The following CPNE5 variants were observed in gnomAD, a reference collection of about 807,000 sequenced individuals.
CPNE5 encodes the protein copine-5.
CPNE5 carries 42 observed loss-of-function variants against 81.1 expected under a neutral mutation model. The observed-to-expected ratio is 0.52, with a 90% CI of 0.40 to 0.67. The LOEUF (loss-of-function observed/expected upper bound fraction) is 0.67. Among genes scored for constraint, CPNE5 ranks in the 30% least tolerant of loss-of-function variants. The probability of loss-of-function intolerance (pLI) is 0.00; values close to 1 mark genes in which losing one functional copy is unlikely to be tolerated. For missense variants in CPNE5, 612 were observed against 815.5 expected (o/e 0.75, Z 3.04); for synonymous variants, 313 against 321.5 (o/e 0.97, Z 0.28).
In CPNE5 at chr6:36,792,090, G is replaced by A. The variant is rs747157932; in HGVS notation, c.471C>T (p.Val157=). Reference sequence around the variant, plus strand: ...TGATGGTGCCACATTTCTTTCCTGGGACACCACTGGGAGAGGAGAAGATGA... The same window carrying A: ...TGATGGTGCCACATTTCTTTCCTGGAACACCACTGGGAGAGGAGAAGATGA... ...KPMPAVSNGG[V]PGKKCGTIIL... is the part of the protein sequence containing the mutation. Residue 157 remains valine (V), a synonymous_variant, in exon 8 of 21, where the codon GTC becomes GTT. Coordinates refer to ENST00000244751, the MANE Select transcript of CPNE5 (RefSeq NM_020939.2). 6.2e-7 allele frequency: 1 copy of A among 1,613,790 alleles called. No homozygotes were observed. Among genetic ancestry groups the A allele is most frequent in the Non-Finnish European group, 8.5e-7 (1 of 1,179,752 alleles).
chr6:36,838,393 CCA>C (rs1320223837), intron 1 of CPNE5, among the ~76,000 whole-genome samples: 2 of 152,194 alleles, frequency 1.3e-5, no homozygotes, highest in African/African-American at 4.8e-5. Flanking sequence ...CCTAGGCCAG[CCA>C]CAGAGAGACT....
chr6:36,756,053 G>A, intron 13 of CPNE5, 192 bp downstream of exon 13: 1 of 585,722 alleles, frequency 1.7e-6, no homozygotes, highest in South Asian at 2.0e-5. Context: ...CTGTTGTGTG[G>A]TCTGCAAGTC....
intron 8 of CPNE5, among the ~76,000 whole-genome samples, chr6:36,790,417 G>A (rs1460958128): frequency 6.6e-6 from 1 of 152,116 alleles, no homozygotes; most frequent in Non-Finnish European, 1.5e-5. Flanking sequence ...AAGATGAAGA[G>A]TTTTCCAGAG....
At chr6:36,795,656 C>T (rs918391067) in intron 6 of CPNE5, among the ~76,000 whole-genome samples, 9 of 152,182 alleles carry the variant, frequency 5.9e-5, no homozygotes, top group African/African-American at 2.2e-4. Context: ...AAGACATGAA[C>T]TCTGTTGACA....
intron 8 of CPNE5, among the ~76,000 whole-genome samples, chr6:36,781,308 C>T (rs1768018056): frequency 2.0e-5 from 3 of 152,100 alleles, no homozygotes; most frequent in Admixed American, 2.0e-4. Flanking sequence ...GGACCTCAGG[C>T]CCTGAATAAA....
chr6:36,817,221 A>G (rs1236715895), intron 3 of CPNE5, among the ~76,000 whole-genome samples: 2 of 152,164 alleles, frequency 1.3e-5, no homozygotes, highest in African/African-American at 4.8e-5. Context: ...GCTACTCGGG[A>G]GGCTGAGACA....
chr6:36,746,522 G>A lies in CPNE5; in HGVS notation c.1074C>T (p.Ala358=). 1.9e-6 allele frequency: 3 copies of A among 1,613,796 alleles called. No homozygotes were observed. Among genetic ancestry groups the A allele is most frequent in the Non-Finnish European group, 2.5e-6 (3 of 1,179,764 alleles). ...LHYMSPYQLN[A]YALALTAVGE... ...CGACGGCAGTCAGCGCCAGCGCGTA[G>A]GCGTTCAGCTGGTAGGGGCTCATGT... is the stretch of plus-strand genomic sequence containing the variant. The change falls in exon 16 of 21, where the codon GCC becomes GCT. Residue 358 remains alanine, a synonymous_variant. Transcript: ENST00000244751. The surrounding 1 kb of genome is among the most constrained non-coding windows in gnomAD (Gnocchi z 4.5).
Position 36,748,286 on chromosome 6 carries a change from C to T in CPNE5, c.972-19G>A, listed in dbSNP as rs1202733969. On this transcript the variant is annotated intron_variant, in intron 14 of 20. Coordinates refer to ENST00000244751, the MANE Select transcript of CPNE5 (RefSeq NM_020939.2). ...CTGGGTCCTAGAAGAGGGAGAACAG[C>T]AGGGGAGTCACCTGGAGGGAGGCAG... The T allele has an allele frequency of 3.1e-6, 5 of 1,613,542 alleles. No individual in the cohort carries two copies. Among genetic ancestry groups the T allele is most frequent in the South Asian group, 1.1e-5 (1 of 91,078 alleles).
chr6:36,814,345 A>G (rs976662698), intron 3 of CPNE5, among the ~76,000 whole-genome samples: 1 of 152,192 alleles, frequency 6.6e-6, no homozygotes, highest in Non-Finnish European at 1.5e-5. Flanking sequence ...GTAATTCAAC[A>G]TGGTCTCCAT....
At chr6:36,808,806 G>A (rs879854457) in intron 3 of CPNE5, among the ~76,000 whole-genome samples, 3 of 152,192 alleles carry the variant, frequency 2.0e-5, no homozygotes, top group Admixed American at 6.5e-5. Flanking sequence ...ACAACCTTCC[G>A]AAGCAGAACT....
intron 8 of CPNE5, among the ~76,000 whole-genome samples, chr6:36,789,881 C>T (rs1768934014): frequency 6.6e-6 from 1 of 152,208 alleles, no homozygotes; most frequent in African/African-American, 2.4e-5. Flanking sequence ...CCTTCAGATC[C>T]ACTGAGATTA....
chr6:36,817,352 T>C (rs1771636295), intron 3 of CPNE5, among the ~76,000 whole-genome samples: 1 of 152,112 alleles, frequency 6.6e-6, no homozygotes, highest in Non-Finnish European at 1.5e-5. Flanking sequence ...TAAAGCTCTG[T>C]GAAACAGCAT....
Position 36,822,165 on chromosome 6 carries a change from G to T in CPNE5, c.137-5C>A. 1.4e-6 allele frequency: 2 copies of T among 1,455,070 alleles called. No homozygotes were observed. Among genetic ancestry groups the T allele is most frequent in the Admixed American group, 2.4e-5 (1 of 42,262 alleles). The allele number at this position is 1,455,070 out of a possible 1,614,324, so 90.1% of individuals were successfully genotyped here. ...CTTGGGTATACATGACGCACACTGC[G>T]GGGGGAGGAGAAACAGTGGATTAAT... On this transcript the variant is annotated splice_region_variant and splice_polypyrimidine_tract_variant and intron_variant, in intron 2 of 20. Coordinates refer to ENST00000244751, the MANE Select transcript of CPNE5 (RefSeq NM_020939.2).
intron 8 of CPNE5, among the ~76,000 whole-genome samples, chr6:36,786,305 C>A (rs1562136593): frequency 6.6e-6 from 1 of 152,118 alleles, no homozygotes; most frequent in Non-Finnish European, 1.5e-5. Context: ...AGCGAACACC[C>A]CACAGGCTGG....
rs1176572052 is a variant in CPNE5 at position 36,789,820 on chromosome 6, G to A, written c.528+2213C>T. 2.6e-5 allele frequency among the ~76,000 whole-genome samples: 4 copies of A among 152,200 alleles called. No homozygotes were observed. In the East Asian group the frequency reaches 7.7e-4, roughly 29 times the overall value. Reference sequence around the variant, plus strand: ...CTCGGGAATGCCTACTGCACCCCGAGTCCTGCCCTGGGGGTGCACACTGGG... The same window carrying A: ...CTCGGGAATGCCTACTGCACCCCGAATCCTGCCCTGGGGGTGCACACTGGG... On this transcript the variant is annotated intron_variant, in intron 8 of 20. Coordinates refer to ENST00000244751, the MANE Select transcript of CPNE5 (RefSeq NM_020939.2).
Position 36,766,441 on chromosome 6 carries a change from C to T in CPNE5, c.738-1065G>A, listed in dbSNP as rs1766572656. On this transcript the variant is annotated intron_variant, in intron 10 of 20. Coordinates refer to ENST00000244751, the MANE Select transcript of CPNE5 (RefSeq NM_020939.2). This position sits in a 1 kb window ranked among gnomAD's most constrained non-coding sequence, Gnocchi z 4.2. Reference sequence around the variant, plus strand: ...GAAGGAATGCCCAGTAGGTTGTGCACACACTGGATTTCTGTAAACCAGCAC... The same window carrying T: ...GAAGGAATGCCCAGTAGGTTGTGCATACACTGGATTTCTGTAAACCAGCAC... Among the ~76,000 whole-genome samples the T allele has an allele frequency of 1.3e-5, 2 of 152,306 alleles. No homozygotes were observed. The highest frequency in any genetic ancestry group is 4.1e-4 in the South Asian group (2 of 4,828).
intron 3 of CPNE5, among the ~76,000 whole-genome samples, chr6:36,808,667 G>A (rs1013153127): frequency 1.3e-5 from 2 of 152,160 alleles, no homozygotes; most frequent in African/African-American, 4.8e-5. Context: ...TCCAGATGGA[G>A]GACAGAAGGG....
At chr6:36,800,159 T>C (rs1220958086) in intron 3 of CPNE5, 89 bp from the exon 4 acceptor site, 27 of 821,236 alleles carry the variant, frequency 3.3e-5, no homozygotes, top group Non-Finnish European at 4.8e-5. Context: ...CAGAGCCCCT[T>C]AGTCCTGGTT....
intron 8 of CPNE5, among the ~76,000 whole-genome samples, chr6:36,780,526 G>A (rs1188703988): frequency 2.0e-5 from 3 of 152,196 alleles, no homozygotes; most frequent in African/African-American, 7.2e-5. Flanking sequence ...TTATAAAATG[G>A]AGGTAATGGC....
Sources: gnomAD v4.1 joint callset for allele counts (sites outside exome capture counted in the v4.1 genomes callset) on GRCh38, gnomAD v4.1.1 for gene constraint, Gnocchi (gnomAD v3.1) non-coding constraint, MANE v1.5 for transcripts, NCBI Gene and HGNC (gene_info 2026-07-23, HGNC 2026-07-21) for gene names.